Variants in GARRE1 observed in about 807,000 individuals in gnomAD.
The protein encoded by GARRE1 is granule associated Rac and RHOG effector 1.
In GARRE1, 49 loss-of-function variants were observed where a neutral mutation model predicts 103.2. That is an observed-to-expected ratio of 0.47 (90% CI 0.38 to 0.60). GARRE1 has a LOEUF of 0.60. Ranked by LOEUF, GARRE1 falls within the 20% of genes least tolerant of loss-of-function variation. GARRE1 has a pLI of 0.00. For synonymous variants in GARRE1, 505 were observed against 532.8 expected (o/e 0.95, Z 0.72); for missense variants, 1,199 against 1,370.5 (o/e 0.87, Z 1.98).
chr19:34,316,043 G>A (rs1211996976), intron 2 of GARRE1, among the ~76,000 whole-genome samples: 2 of 152,188 alleles, frequency 1.3e-5, no homozygotes, highest in East Asian at 3.8e-4. Context: ...CTTGTCATAG[G>A]TAGAAAGAGT....
chr19:34,345,997 T>C (rs966801414), intron 10 of GARRE1, among the ~76,000 whole-genome samples: 1 of 152,186 alleles, frequency 6.6e-6, no homozygotes, highest in African/African-American at 2.4e-5. Context: ...GGGCATAAGA[T>C]CTGCATAGCC....
chr19:34,268,433 A>G (rs927099818), intron 1 of GARRE1, among the ~76,000 whole-genome samples: 4 of 151,804 alleles, frequency 2.6e-5, no homozygotes, highest in African/African-American at 9.7e-5. Context: ...TTTGGCTCAC[A>G]GTGTTCCTGT....
At chr19:34,258,789 C>CAAA (rs5827898) in intron 1 of GARRE1, among the ~76,000 whole-genome samples, 2 of 144,408 alleles carry the variant, frequency 1.4e-5, no homozygotes, top group East Asian at 2.1e-4. Flanking sequence ...GACTCCGTCT[C>CAAA]AAAAAAAAAA....
chr19:34,338,227 T>G (rs2074169639), intron 8 of GARRE1, among the ~76,000 whole-genome samples: 2 of 152,152 alleles, frequency 1.3e-5, no homozygotes, highest in South Asian at 2.1e-4. Context: ...CTGCTCAGAC[T>G]GTTTTCCCTC....
At chr19:34,288,566 T>C (rs2073899966) in intron 1 of GARRE1, among the ~76,000 whole-genome samples, 1 of 152,208 alleles carries the variant, frequency 6.6e-6, no homozygotes, top group African/African-American at 2.4e-5. Context: ...GTCTGTATTT[T>C]CCCCTACATT....
At chr19:34,262,212 T>A (rs1226223786) in intron 1 of GARRE1, among the ~76,000 whole-genome samples, 1 of 150,216 alleles carries the variant, frequency 6.7e-6, no homozygotes, top group Non-Finnish European at 1.5e-5. Context: ...CTTGAACTCC[T>A]TACCTTGTGA....
Position 34,281,549 on chromosome 19 carries a change from A to G in GARRE1, c.-795-18130A>G, listed in dbSNP as rs60307524. ...TGTGATCTGCCTGCCTCTGCCTCCC[A>G]AAGTGCTAGGATTACAGTCATGAGC... On this transcript the variant is annotated intron_variant, in intron 1 of 13. Coordinates refer to ENST00000299505, the MANE Select transcript of GARRE1 (RefSeq NM_014686.5). 1.4e-3 allele frequency among the ~76,000 whole-genome samples: 211 copies of G among 152,192 alleles called. 2 individuals are homozygous for G. The East Asian group carries it at 0.028, about 20-fold the overall frequency.
At chr19:34,280,003 A>AAT (rs1568527423) in intron 1 of GARRE1, among the ~76,000 whole-genome samples, 1 of 147,282 alleles carries the variant, frequency 6.8e-6, no homozygotes, top group Admixed American at 6.8e-5. Context: ...AAAAAAAAAA[A>AAT]AAAAGTGGTT....
At chr19:34,339,735 T>C in intron 8 of GARRE1, 132 bp from the exon 9 acceptor site, 2 of 1,034,362 alleles carry the variant, frequency 1.9e-6, no homozygotes, top group South Asian at 1.5e-5. Context: ...GTTCTCTCCA[T>C]GTTCTTACAG....
chr19:34,325,576 C>G (rs912345687), intron 3 of GARRE1, among the ~76,000 whole-genome samples: 4 of 152,220 alleles, frequency 2.6e-5, no homozygotes, highest in Non-Finnish European at 5.9e-5. Flanking sequence ...AGATCTGTCC[C>G]CTTCTTCCAC....
intron 13 of GARRE1, 27 bp from the exon 14 acceptor site, chr19:34,352,620 C>T (rs1291862391): frequency 6.3e-7 from 1 of 1,584,034 alleles, no homozygotes; most frequent in African/African-American, 1.3e-5. Context: ...CCCGAAATGC[C>T]ACTAAGAACT....
intron 1 of GARRE1, among the ~76,000 whole-genome samples, chr19:34,270,066 T>G (rs1312114021): frequency 6.6e-6 from 1 of 152,220 alleles, no homozygotes. Context: ...GCTCGGTGAT[T>G]TGTGTTCAGG....
intron 1 of GARRE1, among the ~76,000 whole-genome samples, chr19:34,254,972 A>G (rs1392600623): frequency 6.6e-6 from 1 of 151,458 alleles, no homozygotes; most frequent in Non-Finnish European, 1.5e-5. Context: ...GGGGCCCGGG[A>G]GGTCGCGCTG....
Position 34,341,714 on chromosome 19 carries a change from A to T in GARRE1, c.1780A>T (p.Ile594Phe). The T allele has an allele frequency of 6.2e-7, 1 of 1,614,242 alleles. No homozygotes were observed. Among genetic ancestry groups the T allele is most frequent in the Non-Finnish European group, 8.5e-7 (1 of 1,180,046 alleles). The change falls in exon 10 of 14, where the codon ATT (isoleucine) becomes TTT (phenylalanine). Residue 594 changes from isoleucine to phenylalanine, a missense_variant. Transcript: ENST00000299505. ...IDTRLQSILN[I>F]GNFPRTTDPS... Reference sequence around the variant, plus strand: ...TACAAGGTTACAAAGCATTTTGAACATTGGTAATTTCCCCAGGACTACAGA... The same window carrying T: ...TACAAGGTTACAAAGCATTTTGAACTTTGGTAATTTCCCCAGGACTACAGA...
At chr19:34,343,168 A>G (rs1455276989) in intron 10 of GARRE1, among the ~76,000 whole-genome samples, 3 of 152,218 alleles carry the variant, frequency 2.0e-5, no homozygotes, top group Admixed American at 6.5e-5. Flanking sequence ...GAAAGGATAC[A>G]TTAAAAGCGC....
chr19:34,344,047 G>A (rs1458094373), intron 10 of GARRE1, among the ~76,000 whole-genome samples: 2 of 151,950 alleles, frequency 1.3e-5, no homozygotes, highest in East Asian at 1.9e-4. Flanking sequence ...AAAATAAGTG[G>A]TCTAAGCTTT....
intron 1 of GARRE1, among the ~76,000 whole-genome samples, chr19:34,294,993 T>C (rs1386472890): frequency 6.6e-6 from 1 of 152,220 alleles, no homozygotes; most frequent in Non-Finnish European, 1.5e-5. Context: ...ACATTTTTAA[T>C]GACATAATGT....
intron 9 of GARRE1, 124 bp from the exon 10 acceptor site, chr19:34,341,298 T>C (rs1327394789): frequency 1.3e-6 from 1 of 755,558 alleles, no homozygotes; most frequent in East Asian, 2.7e-5. Flanking sequence ...ATAAAATAAG[T>C]GAACCCGATA....
intron 1 of GARRE1, among the ~76,000 whole-genome samples, chr19:34,283,334 C>G (rs1414322205): frequency 6.6e-6 from 1 of 152,216 alleles, no homozygotes; most frequent in Non-Finnish European, 1.5e-5. Flanking sequence ...TCCTGCCCTG[C>G]GATTGGTAGA....
Sources: gnomAD v4.1 joint callset for allele counts (sites outside exome capture counted in the v4.1 genomes callset) on GRCh38, gnomAD v4.1.1 for gene constraint, MANE v1.5 for transcripts, NCBI Gene and HGNC (gene_info 2026-07-23, HGNC 2026-07-21) for gene names.